The following ACTR3B variants were observed in gnomAD, a reference collection of about 807,000 sequenced individuals.
The protein encoded by ACTR3B is actin-related protein 3B.
In ACTR3B, 8 loss-of-function variants were observed where a neutral mutation model predicts 59.0. That is an observed-to-expected ratio of 0.14 (90% confidence interval 0.08 to 0.24). The LOEUF (loss-of-function observed/expected upper bound fraction) is 0.24, where lower values mean the gene tolerates loss of function less well. ACTR3B is among the 10% of genes least tolerant of loss of function. The probability of loss-of-function intolerance (pLI) is 1.00; values close to 1 mark genes in which losing one functional copy is unlikely to be tolerated. For synonymous variants in ACTR3B, 148 were observed against 197.9 expected, an observed-to-expected ratio of 0.75 and a Z score of 2.12; for missense variants, 245 against 552.3, an observed-to-expected ratio of 0.44 and a Z score of 5.58.
chr7:152,791,953 G>A (rs1214938566), intron 2 of ACTR3B, among the ~76,000 whole-genome samples: 5 of 152,158 alleles, frequency 3.3e-5, no homozygotes, highest in Non-Finnish European at 7.3e-5. Context: ...GTGCAGTGGT[G>A]TGATCTCAGC....
chr7:152,850,260 G>C (rs111572771), intron 9 of ACTR3B, among the ~76,000 whole-genome samples: 3,052 of 150,948 alleles, frequency 0.02, 45 homozygotes, highest in Non-Finnish European at 0.029. Flanking sequence ...ATCACTGGTG[G>C]CTTCTCCAGG....
At chr7:152,829,042 G>GTATA (rs1246465902) in intron 9 of ACTR3B, among the ~76,000 whole-genome samples, 288 of 143,952 alleles carry the variant, frequency 2.0e-3, no homozygotes, top group African/African-American at 7.9e-3. Flanking sequence ...TTGTGTGTGT[G>GTATA]TGTATATATA....
intron 5 of ACTR3B, 130 bp downstream of exon 5, chr7:152,814,775 C>T (rs1331291943): frequency 1.0e-5 from 8 of 793,898 alleles, no homozygotes; most frequent in Admixed American, 2.9e-5. Context: ...CCTCCCCCGT[C>T]CCCATGCCAT....
At chr7:152,826,962 C>T (rs1796620792) in intron 9 of ACTR3B, among the ~76,000 whole-genome samples, 1 of 152,032 alleles carries the variant, frequency 6.6e-6, no homozygotes, top group African/African-American at 2.4e-5. Flanking sequence ...ATGCTTTTCC[C>T]ACTGTATCAC....
At chr7:152,782,238 G>A (rs2098156421) in intron 1 of ACTR3B, among the ~76,000 whole-genome samples, 1 of 148,112 alleles carries the variant, frequency 6.8e-6, no homozygotes, top group Non-Finnish European at 1.5e-5. Context: ...GCTGGTGTTA[G>A]CAGTGTTGAA....
At position 152,824,642 on chromosome 7, in the gene ACTR3B, C is replaced by T. The variant is rs1476134072; in HGVS notation, c.859-388C>T. Among the ~76,000 whole-genome samples the T allele has an allele frequency of 1.3e-5, 2 of 152,178 alleles. No homozygotes were observed. The highest frequency in any genetic ancestry group is 2.9e-5 in the Non-Finnish European group (2 of 68,044). On this transcript the variant is annotated intron_variant, in intron 8 of 11. Transcript: ENST00000256001. The surrounding 1 kb of genome is among the most constrained non-coding windows in gnomAD (Gnocchi z 4.2). The stretch of plus-strand genomic sequence containing the variant: ...GAACCTATTTCTTTTTCCTTATATA[C>T]TAATTTTCTCATAATACGAATATTG...
chr7:152,794,190 G>T (rs932130663), intron 2 of ACTR3B, among the ~76,000 whole-genome samples: 5 of 152,086 alleles, frequency 3.3e-5, no homozygotes, highest in Admixed American at 1.3e-4. Flanking sequence ...GTGTATATGT[G>T]TTTTAATTTA....
chr7:152,776,389 AC>A (rs1179856326), intron 1 of ACTR3B, among the ~76,000 whole-genome samples: 1 of 152,194 alleles, frequency 6.6e-6, no homozygotes, highest in African/African-American at 2.4e-5. Context: ...AGATTTGATC[AC>A]CTGGACTGTT....
intron 2 of ACTR3B, among the ~76,000 whole-genome samples, chr7:152,790,762 C>CT (rs1477061719): frequency 7.2e-5 from 11 of 152,062 alleles, no homozygotes; most frequent in African/African-American, 2.7e-4. Flanking sequence ...ATCTAACAGT[C>CT]TTTTGAGAAA....
chr7:152,854,890 A>G lies in ACTR3B; in HGVS notation c.*337A>G, dbSNP rs1799139863. On this transcript the variant is annotated 3_prime_UTR_variant, in exon 12 of 12. Transcript: ENST00000256001. The surrounding 1 kb of genome is among the most constrained non-coding windows in gnomAD (Gnocchi z 4.9). The stretch of plus-strand genomic sequence containing the variant: ...GAAAACAACATTAGAAAATGGCGCA[A>G]AATCGTTAGGTCCCAGGAGAGAATG... The G allele has an allele frequency of 4.5e-6, 1 of 222,362 alleles. No homozygotes were observed. Among genetic ancestry groups the G allele is most frequent in the African/African-American group, 2.3e-5 (1 of 44,114 alleles). 13.8% of individuals were successfully genotyped at this position (222,362 alleles called of 1,614,324 possible). A position where few individuals can be genotyped will look rare whatever the true frequency, so the allele number is the denominator to read the frequency against.
chr7:152,837,716 G>A (rs1396996559), intron 9 of ACTR3B, among the ~76,000 whole-genome samples: 7 of 152,228 alleles, frequency 4.6e-5, no homozygotes, highest in African/African-American at 1.7e-4. Flanking sequence ...GAGAAAATTG[G>A]ATTGTGTGTT....
chr7:152,829,956 A>G (rs529378924), intron 9 of ACTR3B, among the ~76,000 whole-genome samples: 46 of 152,344 alleles, frequency 3.0e-4, no homozygotes, highest in Middle Eastern at 3.4e-3. Context: ...TTAAGTATGT[A>G]CGAGATGATT....
intron 1 of ACTR3B, among the ~76,000 whole-genome samples, chr7:152,765,143 G>C (rs2098105118): frequency 2.2e-5 from 2 of 92,504 alleles, no homozygotes; most frequent in Non-Finnish European, 4.1e-5. Context: ...CGGAGACAGA[G>C]TTTTGCTTTC....
At chr7:152,829,830 G>C (rs1200340593) in intron 9 of ACTR3B, among the ~76,000 whole-genome samples, 4 of 152,190 alleles carry the variant, frequency 2.6e-5, no homozygotes, top group Non-Finnish European at 4.4e-5. Flanking sequence ...TTACTTGAGG[G>C]GGAAGCCAGT....
At chr7:152,764,104 C>T (rs2098099989) in intron 1 of ACTR3B, among the ~76,000 whole-genome samples, 1 of 151,686 alleles carries the variant, frequency 6.6e-6, no homozygotes, top group South Asian at 2.1e-4. Context: ...CTCCCGGGTT[C>T]AAGCGATTCT....
intron 4 of ACTR3B, chr7:152,812,901 T>C (rs1195031997): frequency 3.0e-5 from 1 of 32,866 alleles, no homozygotes; most frequent in Non-Finnish European, 5.9e-5. Context: ...CGTTGTTTTC[T>C]CACAGTTCTG....
chr7:152,844,384 T>C (rs186201983), intron 9 of ACTR3B, among the ~76,000 whole-genome samples: 20 of 152,266 alleles, frequency 1.3e-4, no homozygotes, highest in Non-Finnish European at 2.4e-4. Flanking sequence ...AAATAAAATG[T>C]TTTTTTAAAA....
At chr7:152,841,843 C>T (rs1209327266) in intron 9 of ACTR3B, among the ~76,000 whole-genome samples, 1 of 152,166 alleles carries the variant, frequency 6.6e-6, no homozygotes, top group Non-Finnish European at 1.5e-5. Context: ...CTCAGAGTGG[C>T]CCCTTGCCAT....
At chr7:152,830,850 A>G (rs935215747) in intron 9 of ACTR3B, among the ~76,000 whole-genome samples, 9 of 152,202 alleles carry the variant, frequency 5.9e-5, no homozygotes, top group Non-Finnish European at 8.8e-5. Flanking sequence ...CGCCGGCTCT[A>G]TTTTTAATTT....
Sources: gnomAD v4.1 joint callset for allele counts (sites outside exome capture counted in the v4.1 genomes callset) on GRCh38, gnomAD v4.1.1 for gene constraint, Gnocchi (gnomAD v3.1) non-coding constraint, MANE v1.5 for transcripts, NCBI Gene and HGNC (gene_info 2026-07-23, HGNC 2026-07-21) for gene names.